The following RTTN variants were observed in gnomAD, a reference collection of about 807,000 sequenced individuals.
RTTN encodes the protein rotatin.
In RTTN, 182 loss-of-function variants were observed where a neutral mutation model predicts 269.2. The ratio of observed to expected loss-of-function variants is 0.68; its 90% CI spans 0.60 to 0.76. The LOEUF (loss-of-function observed/expected upper bound fraction) is 0.76, where lower values mean the gene tolerates loss of function less well. RTTN is among the 30% of genes least tolerant of loss of function. RTTN has a pLI of 0.00. For synonymous variants in RTTN, 1,006 were observed against 963.5 expected, an observed-to-expected ratio of 1.04 and a Z score of -0.82; for missense variants, 2,545 against 2,608.6, an observed-to-expected ratio of 0.98 and a Z score of 0.53.
chr18:70,070,068 T>C (rs1185009746), intron 34 of RTTN, among the ~76,000 whole-genome samples: 2 of 152,168 alleles, frequency 1.3e-5, no homozygotes, highest in Non-Finnish European at 2.9e-5. Context: ...TTATGTACAA[T>C]ATATGTAAAA....
In RTTN at chr18:70,015,472, T is replaced by A. The variant is rs754251992; in HGVS notation, c.6421+1935A>T. The stretch of plus-strand genomic sequence containing the variant: ...TCAGAGGCAGCCTTTCCTGGGAGAC[T>A]TTTAAGCTGGCTGACTCTGCTAAGG... On this transcript the variant is annotated intron_variant, in intron 46 of 48. Coordinates refer to ENST00000640769, the MANE Select transcript of RTTN (RefSeq NM_173630.4). Among the ~76,000 whole-genome samples, 10 of 152,324 alleles carry A rather than the reference T, an allele frequency of 6.6e-5. 1 individual carries two copies. The highest frequency in any genetic ancestry group is 6.8e-3 in the Middle Eastern group (2 of 294).
chr18:70,191,696 T>C (rs747421947), intron 8 of RTTN, among the ~76,000 whole-genome samples: 1 of 152,226 alleles, frequency 6.6e-6, no homozygotes, highest in Non-Finnish European at 1.5e-5. Flanking sequence ...TTTGATGTTA[T>C]CCACAACCGA....
intron 32 of RTTN, among the ~76,000 whole-genome samples, chr18:70,076,681 G>A (rs759403908): frequency 6.6e-6 from 1 of 151,948 alleles, no homozygotes; most frequent in African/African-American, 2.4e-5. Flanking sequence ...CCTAAACAGA[G>A]CAATTTATAT....
chr18:70,170,558 C>T (rs572282361), intron 11 of RTTN, among the ~76,000 whole-genome samples: 1 of 152,110 alleles, frequency 6.6e-6, no homozygotes, highest in Non-Finnish European at 1.5e-5. Context: ...GAGGGAAGAG[C>T]AATTACAAAA....
rs376542737 is a variant in RTTN at position 70,005,207 on chromosome 18, C to A, written c.6586G>T (p.Ala2196Ser). The A allele has an allele frequency of 3.6e-5, 58 of 1,609,822 alleles. 1 individual carries two copies. The highest frequency in any genetic ancestry group is 4.7e-5 in the Non-Finnish European group (55 of 1,177,602). The change falls in exon 48 of 49, where the codon GCA (alanine) becomes TCA (serine). Residue 2196 changes from alanine (A) to serine (S), a missense_variant. Coordinates refer to ENST00000640769, the MANE Select transcript of RTTN (RefSeq NM_173630.4). Reference protein sequence around the residue: ...KRRVDEAYSLAKKTFPNSEAN... With the variant: ...KRRVDEAYSLSKKTFPNSEAN... ...TCTTATTGCAACTTACTTTTCTTTG[C>A]TAAGGAGTATGCTTCATCCACTCTT... is the stretch of plus-strand genomic sequence containing the variant.
At chr18:70,059,212 G>C (rs536114699) in intron 36 of RTTN, among the ~76,000 whole-genome samples, 1 of 152,120 alleles carries the variant, frequency 6.6e-6, no homozygotes, top group Non-Finnish European at 1.5e-5. Context: ...ATTTCCCAAG[G>C]CTGCAAGCTA....
chr18:70,034,800 C>A (rs1006122095), intron 40 of RTTN, among the ~76,000 whole-genome samples: 4 of 152,142 alleles, frequency 2.6e-5, no homozygotes, highest in Admixed American at 2.6e-4. Flanking sequence ...AAAACCCCAT[C>A]GTCTCAGCCC....
chr18:70,077,709 A>G (rs2058463324), intron 32 of RTTN, among the ~76,000 whole-genome samples: 1 of 151,900 alleles, frequency 6.6e-6, no homozygotes, highest in Non-Finnish European at 1.5e-5. Context: ...AAATATAGGT[A>G]AGAAAGTCAT....
Position 70,196,541 on chromosome 18 carries a change from A to G in RTTN, c.801T>C (p.Leu267=). ...AAAAACCTGGATCTCGGTGAAAGTT[A>G]AGTCTGTTTCTTAAATACATGCACA... ...QQLCMYLRNR[L]NFHRDPGFFS... The change falls in exon 7 of 49, where the codon CTT becomes CTC. Residue 267 remains leucine (L), a synonymous_variant. Transcript: ENST00000640769. 6.2e-7 allele frequency: 1 copy of G among 1,612,908 alleles called. No individual in the cohort carries two copies. The highest frequency in any genetic ancestry group is 1.1e-5 in the South Asian group (1 of 90,822).
In RTTN at chr18:70,121,631, A is replaced by T. The variant is rs1351676024; in HGVS notation, c.3453T>A (p.Asn1151Lys). ...TTTTTCTTTGTTCCTTTATTAATTT[A>T]TTTAAAAAATGTATGATATCTATTA... ...KLLIDIIHFL[N>K]KLIKEQRKNS... Residue 1151 changes from asparagine to lysine, a missense_variant, in exon 26 of 49, where the codon AAT becomes AAA. Transcript: ENST00000640769. 6.3e-7 allele frequency: 1 copy of T among 1,580,222 alleles called. No individual in the cohort carries two copies. The highest frequency in any genetic ancestry group is 1.4e-5 in the African/African-American group (1 of 72,748).
chr18:70,162,886 G>GAAAAAAAA (rs5825997), intron 14 of RTTN, among the ~76,000 whole-genome samples: 7 of 50,174 alleles, frequency 1.4e-4, no homozygotes, highest in South Asian at 9.8e-4. Flanking sequence ...AATAAAAGTT[G>GAAAAAAAA]AAAAAAAAAA....
At chr18:70,021,696 T>C (rs779174601) in intron 44 of RTTN, among the ~76,000 whole-genome samples, 1 of 152,144 alleles carries the variant, frequency 6.6e-6, no homozygotes, top group South Asian at 2.1e-4. Context: ...TCAATGACAG[T>C]TCAAGTTCAA....
At chr18:70,158,204 A>C (rs2060734596) in intron 14 of RTTN, among the ~76,000 whole-genome samples, 1 of 152,202 alleles carries the variant, frequency 6.6e-6, no homozygotes. Flanking sequence ...CTAGAAAGAA[A>C]GAGCAGGTCA....
chr18:70,197,267 G>C (rs1423142749), intron 6 of RTTN, among the ~76,000 whole-genome samples: 1 of 152,168 alleles, frequency 6.6e-6, no homozygotes, highest in Non-Finnish European at 1.5e-5. Context: ...TATTTTCCCA[G>C]CATGTAGCAC....
In RTTN at chr18:70,065,882, A is replaced by G; in HGVS notation, c.4694T>C (p.Val1565Ala). 6.2e-7 allele frequency: 1 copy of G among 1,602,840 alleles called. No homozygotes were observed. Among genetic ancestry groups the G allele is most frequent in the African/African-American group, 1.3e-5 (1 of 74,882 alleles). ...SLGSTEFQPL[V>A]QSTTLLPEAS... is the part of the protein sequence containing the mutation. Reference sequence around the variant, plus strand: ...TTCAGGTAGAAGTGTTGTTGACTGCACAAGTGGCTGAAATTCAGTACTCCC... The same window carrying G: ...TTCAGGTAGAAGTGTTGTTGACTGCGCAAGTGGCTGAAATTCAGTACTCCC... The change falls in exon 35 of 49, where the codon GTG becomes GCG. Residue 1565 changes from valine to alanine, a missense_variant. Physicochemically the swap from Val to Ala is moderately conservative, Grantham distance 64. Transcript: ENST00000640769.
At chr18:70,155,350 C>T (rs1039350936) in intron 14 of RTTN, among the ~76,000 whole-genome samples, 6 of 152,074 alleles carry the variant, frequency 3.9e-5, no homozygotes, top group African/African-American at 1.4e-4. Context: ...ACAGTATCTG[C>T]TAAAATAAAC....
intron 26 of RTTN, among the ~76,000 whole-genome samples, chr18:70,114,992 C>T (rs1297578957): frequency 6.6e-6 from 1 of 151,902 alleles, no homozygotes; most frequent in Non-Finnish European, 1.5e-5. Flanking sequence ...TTTCCTACTT[C>T]CCGTTATTAA....
At chr18:70,082,317 T>C (rs748919662) in intron 32 of RTTN, among the ~76,000 whole-genome samples, 6 of 152,290 alleles carry the variant, frequency 3.9e-5, no homozygotes, top group Non-Finnish European at 7.4e-5. Context: ...GTTTCCTGGG[T>C]ACATGTCATC....
At chr18:70,181,773 T>C (rs1216040591) in intron 10 of RTTN, among the ~76,000 whole-genome samples, 1 of 152,208 alleles carries the variant, frequency 6.6e-6, no homozygotes, top group Non-Finnish European at 1.5e-5. Flanking sequence ...TTGCTTCTTT[T>C]AAAATATAGC....
Sources: allele counts gnomAD v4.1 joint callset (sites outside exome capture counted in the v4.1 genomes callset), GRCh38; gene constraint gnomAD v4.1.1; transcripts MANE v1.5; gene names NCBI Gene and HGNC (gene_info 2026-07-23, HGNC 2026-07-21).